Variants in FARS2 observed in about 807,000 individuals in gnomAD.
FARS2 encodes the protein phenylalanyl-tRNA synthetase 2, mitochondrial.
In FARS2, 40 loss-of-function variants were observed where a neutral mutation model predicts 46.4. The observed-to-expected ratio is 0.86, with a 90% confidence interval of 0.67 to 1.12. FARS2 has a LOEUF of 1.12. FARS2 is among the 50% of genes most tolerant of loss of function. The pLI is 0.00. For synonymous variants in FARS2, 234 were observed against 214.9 expected (o/e 1.09, Z -0.78); for missense variants, 513 against 567.9 (o/e 0.90, Z 0.98).
the FARS2 span, among the ~76,000 whole-genome samples, chr6:5,251,977 A>G: frequency 6.6e-6 from 1 of 152,178 alleles, no homozygotes; most frequent in South Asian, 2.1e-4. Flanking sequence ...AGATTCCTAA[A>G]CACGAATCAT....
At chr6:5,498,537 G>A (rs1329198463) in intron 4 of FARS2, among the ~76,000 whole-genome samples, 2 of 152,164 alleles carry the variant, frequency 1.3e-5, no homozygotes, top group African/African-American at 4.8e-5. Flanking sequence ...TAACACCAGC[G>A]GAGTGACTGC....
At chr6:5,703,459 CA>C (rs1758562312) in intron 6 of FARS2, among the ~76,000 whole-genome samples, 1 of 152,164 alleles carries the variant, frequency 6.6e-6, no homozygotes, top group Non-Finnish European at 1.5e-5. Flanking sequence ...AATATAAGAT[CA>C]ATTGTGATTT....
At chr6:5,358,264 T>C (rs1413434325) in intron 1 of FARS2, among the ~76,000 whole-genome samples, 1 of 151,978 alleles carries the variant, frequency 6.6e-6, no homozygotes, top group Non-Finnish European at 1.5e-5. Context: ...TTGATTCTTT[T>C]TCATTAGCTG....
At chr6:5,275,711 T>A (rs1187387944) in intron 1 of FARS2, among the ~76,000 whole-genome samples, 17 of 152,188 alleles carry the variant, frequency 1.1e-4, no homozygotes, top group Admixed American at 1.1e-3. Flanking sequence ...TGCTCCCTAC[T>A]GGCCAGGATT....
intron 6 of FARS2, among the ~76,000 whole-genome samples, chr6:5,658,046 G>A (rs957937795): frequency 2.0e-5 from 3 of 152,174 alleles, no homozygotes; most frequent in African/African-American, 7.2e-5. Flanking sequence ...CACCTGAGGT[G>A]GGGAATTCAA....
At chr6:5,296,853 T>C (rs1767930926) in intron 1 of FARS2, among the ~76,000 whole-genome samples, 1 of 152,244 alleles carries the variant, frequency 6.6e-6, no homozygotes, top group African/African-American at 2.4e-5. Flanking sequence ...CTTCTACCTT[T>C]CGGCTATTAT....
chr6:5,711,971 T>C (rs1759201042), intron 6 of FARS2, among the ~76,000 whole-genome samples: 1 of 152,236 alleles, frequency 6.6e-6, no homozygotes, highest in South Asian at 2.1e-4. Context: ...ATGGGGACTC[T>C]GCAGTATCTT....
intron 6 of FARS2, among the ~76,000 whole-genome samples, chr6:5,673,045 G>A (rs940249536): frequency 3.3e-5 from 5 of 152,148 alleles, no homozygotes; most frequent in Non-Finnish European, 7.3e-5. Context: ...TTGCAGTTTA[G>A]CATCAAGTCA....
intron 1 of FARS2, among the ~76,000 whole-genome samples, chr6:5,293,612 A>G (rs1242839660): frequency 1.3e-5 from 2 of 152,230 alleles, no homozygotes; most frequent in Non-Finnish European, 2.9e-5. Context: ...TTATTATTTA[A>G]TAATATCATA....
chr6:5,742,616 G>A (rs1478338165), intron 6 of FARS2, among the ~76,000 whole-genome samples: 2 of 151,426 alleles, frequency 1.3e-5, no homozygotes, highest in Non-Finnish European at 2.9e-5. Flanking sequence ...TGTTTTCTTG[G>A]TTTGGTTGTT....
intron 1 of FARS2, among the ~76,000 whole-genome samples, chr6:5,275,811 T>A (rs976559169): frequency 6.6e-6 from 1 of 152,216 alleles, no homozygotes; most frequent in African/African-American, 2.4e-5. Flanking sequence ...GCATAGTATC[T>A]GAGTAAACAT....
At chr6:5,622,207 T>A (rs1001759063) in intron 6 of FARS2, among the ~76,000 whole-genome samples, 5 of 152,208 alleles carry the variant, frequency 3.3e-5, no homozygotes, top group African/African-American at 7.2e-5. Context: ...CAGGAAGCCC[T>A]CGGCAGAGCA....
At chr6:5,395,641 G>A (rs1036650176) in intron 2 of FARS2, among the ~76,000 whole-genome samples, 1 of 152,016 alleles carries the variant, frequency 6.6e-6, no homozygotes, top group Non-Finnish European at 1.5e-5. Context: ...ACTAATTAAC[G>A]TGTTCTGGGA....
chr6:5,493,209 C>CAAAAAAAAAA (rs34541325), intron 4 of FARS2, among the ~76,000 whole-genome samples: 4 of 92,820 alleles, frequency 4.3e-5, no homozygotes, highest in Non-Finnish European at 6.5e-5. Context: ...GACTGTGTCT[C>CAAAAAAAAAA]AAAAAAAAAA....
At chr6:5,677,034 G>A (rs1291131034) in intron 6 of FARS2, among the ~76,000 whole-genome samples, 1 of 152,188 alleles carries the variant, frequency 6.6e-6, no homozygotes, top group African/African-American at 2.4e-5. Flanking sequence ...AGCCATATGT[G>A]TATTTAAAGT....
intron 4 of FARS2, among the ~76,000 whole-genome samples, chr6:5,542,940 A>G (rs1194980215): frequency 6.6e-6 from 1 of 152,072 alleles, no homozygotes; most frequent in African/African-American, 2.4e-5. Flanking sequence ...TGGACATAGA[A>G]CTTTTTTTGT....
intron 5 of FARS2, among the ~76,000 whole-genome samples, chr6:5,567,418 C>T (rs1295202135): frequency 2.6e-5 from 4 of 152,154 alleles, no homozygotes; most frequent in African/African-American, 9.7e-5. Context: ...ATGTGGCCAT[C>T]GTATTGCTGC....
intron 1 of FARS2, among the ~76,000 whole-genome samples, chr6:5,271,391 A>G (rs1426162461): frequency 6.6e-6 from 1 of 152,076 alleles, no homozygotes; most frequent in East Asian, 1.9e-4. Context: ...CAGGGAGAAG[A>G]TAGGATTCTT....
At chr6:5,370,032 A>G (rs1228128845) in intron 2 of FARS2, among the ~76,000 whole-genome samples, 4 of 152,254 alleles carry the variant, frequency 2.6e-5, no homozygotes, top group African/African-American at 7.2e-5. Flanking sequence ...GGTGTATTTC[A>G]TTTTACTTCC....
Sources: allele counts gnomAD v4.1 joint callset (sites outside exome capture counted in the v4.1 genomes callset), GRCh38; gene constraint gnomAD v4.1.1; transcripts MANE v1.5; gene names NCBI Gene and HGNC (gene_info 2026-07-23, HGNC 2026-07-21).